Variants in WLS observed in about 807,000 individuals in gnomAD.
WLS encodes the protein protein wntless homolog.
A neutral mutation model predicts 62.8 loss-of-function variants in WLS; 23 were observed. The ratio of observed to expected loss-of-function variants is 0.37; its 90% confidence interval spans 0.26 to 0.52. The LOEUF (loss-of-function observed/expected upper bound fraction) is 0.52, where lower values mean the gene tolerates loss of function less well. Among genes scored for constraint, WLS ranks in the 20% least tolerant of loss-of-function variants. WLS has a pLI of 0.92. For missense variants in WLS, 615 were observed against 697.3 expected (o/e 0.88, Z 1.33); for synonymous variants, 246 against 244.1 (o/e 1.01, Z -0.07).
At chr1:68,152,324 G>A (rs1646837532) in intron 5 of WLS, among the ~76,000 whole-genome samples, 1 of 151,720 alleles carries the variant, frequency 6.6e-6, no homozygotes, top group Non-Finnish European at 1.5e-5. Context: ...GACCACAAAG[G>A]TAGGTGAAAT....
chr1:68,110,692 C>CTCTCTCTCTCTCTCTCTCTCTCT (rs1646216637), intron 11 of WLS, among the ~76,000 whole-genome samples: 1 of 138,386 alleles, frequency 7.2e-6, no homozygotes, highest in African/African-American at 2.9e-5. Flanking sequence ...TCTCTCTCTC[C>CTCTCTCTCTCTCTCTCTCTCTCT]ATATATATAT....
At chr1:68,123,136 C>T (rs767250052), downstream of WLS, among the ~76,000 whole-genome samples, 76 of 152,256 alleles carry the variant, frequency 5.0e-4, 1 homozygote, top group Non-Finnish European at 3.7e-4. Context: ...TGGCTCTTCT[C>T]GGAGCAACCA....
chr1:68,110,505 C>G (rs1457838389), intron 11 of WLS, among the ~76,000 whole-genome samples: 2 of 151,940 alleles, frequency 1.3e-5, no homozygotes, highest in Non-Finnish European at 2.9e-5. Context: ...CAAGAAGAGC[C>G]AAGACATTCT....
At chr1:68,221,662 T>A (rs1385169950) in intron 1 of WLS, among the ~76,000 whole-genome samples, 1 of 152,210 alleles carries the variant, frequency 6.6e-6, no homozygotes, top group Non-Finnish European at 1.5e-5. Context: ...AAGGCTGGAA[T>A]TCATAAAACA....
At chr1:68,127,975 A>C (rs923327074) in intron 11 of WLS, among the ~76,000 whole-genome samples, 2 of 152,126 alleles carry the variant, frequency 1.3e-5, no homozygotes, top group African/African-American at 2.4e-5. Context: ...GCACAGCAAA[A>C]TCAGTCCTAT....
At chr1:68,146,324 A>G (rs969666287) in intron 8 of WLS, among the ~76,000 whole-genome samples, 1 of 152,204 alleles carries the variant, frequency 6.6e-6, no homozygotes, top group Non-Finnish European at 1.5e-5. Flanking sequence ...CCTTTTAACC[A>G]GGTCCCCAGG....
chr1:68,164,538 G>A (rs956573210), intron 2 of WLS, among the ~76,000 whole-genome samples: 14 of 152,056 alleles, frequency 9.2e-5, no homozygotes, highest in Admixed American at 1.3e-4. Flanking sequence ...GATCACAGGC[G>A]TGAACCACTG....
At chr1:68,153,145 T>C (rs1169133111) in intron 5 of WLS, among the ~76,000 whole-genome samples, 3 of 152,068 alleles carry the variant, frequency 2.0e-5, no homozygotes, top group Non-Finnish European at 4.4e-5. Context: ...CTGGGAAGCA[T>C]ACACCTGTGG....
chr1:68,119,965 G>T lies in WLS; in HGVS notation c.1510+17815C>A, dbSNP rs140162633. Among the ~76,000 whole-genome samples the T allele has an allele frequency of 9.8e-5, 15 of 152,326 alleles. 1 individual carries two copies. The highest frequency in any genetic ancestry group is 3.6e-4 in the African/African-American group (15 of 41,582). On this transcript the variant is annotated intron_variant, in intron 11 of 11. Transcript: ENST00000354777. ...GGCCAAGGGGTTTCTGGATACAGGA[G>T]CCACCTTGGGGATCTTAGAGCCTCA... is the stretch of plus-strand genomic sequence containing the variant.
At chr1:68,139,049 A>T (rs939510910) in intron 10 of WLS, among the ~76,000 whole-genome samples, 1 of 152,156 alleles carries the variant, frequency 6.6e-6, no homozygotes, top group African/African-American at 2.4e-5. Flanking sequence ...AAGTATAGGT[A>T]TTTTTTTCTG....
At chr1:68,219,511 T>C (rs1649861670) in intron 1 of WLS, among the ~76,000 whole-genome samples, 1 of 152,204 alleles carries the variant, frequency 6.6e-6, no homozygotes, top group Non-Finnish European at 1.5e-5. Context: ...AATAATAGCC[T>C]GGAATATAAT....
chr1:68,172,727 T>C (rs543983907), intron 2 of WLS, among the ~76,000 whole-genome samples: 1 of 152,136 alleles, frequency 6.6e-6, no homozygotes, highest in African/African-American at 2.4e-5. Context: ...AATTGCAGAA[T>C]AGGAGTTCAC....
chr1:68,138,028 C>T (rs553801543), intron 10 of WLS, 95 bp from the exon 11 acceptor site: 3 of 1,461,002 alleles, frequency 2.1e-6, no homozygotes, highest in East Asian at 2.3e-5. Context: ...AAAACCAAGT[C>T]TCTTCTACAT....
chr1:68,108,972 ATAT>A (rs1379668524), intron 11 of WLS, among the ~76,000 whole-genome samples: 1 of 152,238 alleles, frequency 6.6e-6, no homozygotes, highest in African/African-American at 2.4e-5. Context: ...AAGGAATGAA[ATAT>A]TATGAAATGC....
At chr1:68,197,964 G>A (rs964813041) in intron 1 of WLS, among the ~76,000 whole-genome samples, 1 of 152,162 alleles carries the variant, frequency 6.6e-6, no homozygotes. Context: ...GATTAATAGA[G>A]TTTGTGTATT....
chr1:68,220,829 T>C (rs887550724), intron 1 of WLS, among the ~76,000 whole-genome samples: 5 of 152,254 alleles, frequency 3.3e-5, no homozygotes, highest in Admixed American at 2.6e-4. Context: ...GAAGAGTTAA[T>C]GCCTTTCCTT....
At chr1:68,112,386 G>C (rs1477355952) in intron 11 of WLS, among the ~76,000 whole-genome samples, 1 of 152,146 alleles carries the variant, frequency 6.6e-6, no homozygotes, top group Non-Finnish European at 1.5e-5. Context: ...AAAATGTGTG[G>C]GTCCCACCTA....
chr1:68,193,541 C>T (rs1330660261), intron 2 of WLS, among the ~76,000 whole-genome samples: 3 of 148,404 alleles, frequency 2.0e-5, no homozygotes, highest in Non-Finnish European at 3.0e-5. Flanking sequence ...TTACTCAAAG[C>T]CCAGTGGAAA....
intron 1 of WLS, 64 bp downstream of exon 1, chr1:68,232,130 G>C: frequency 1.9e-6 from 3 of 1,604,794 alleles, no homozygotes; most frequent in Non-Finnish European, 2.6e-6. Flanking sequence ...TAGCCCAAGA[G>C]GCAAAGAGGG....
Sources: allele counts gnomAD v4.1 joint callset (sites outside exome capture counted in the v4.1 genomes callset), GRCh38; gene constraint gnomAD v4.1.1; transcripts MANE v1.5; gene names NCBI Gene and HGNC (gene_info 2026-07-23, HGNC 2026-07-21).